The following PRKG1 variants were observed in gnomAD, a reference collection of about 807,000 sequenced individuals.
PRKG1 encodes cGMP-dependent protein kinase 1.
Under a neutral mutation model 88.1 loss-of-function variants are expected in PRKG1, and 35 were observed. The observed-to-expected ratio is 0.40, with a 90% confidence interval of 0.30 to 0.53. PRKG1 has a LOEUF of 0.53. PRKG1 is among the 20% of genes least tolerant of loss of function. The pLI is 0.59. For missense variants in PRKG1, 540 were observed against 839.8 expected (o/e 0.64, Z 4.41); for synonymous variants, 303 against 292.5 (o/e 1.04, Z -0.37).
At chr10:51,352,033 T>A (rs903761639) in intron 2 of PRKG1, among the ~76,000 whole-genome samples, 1 of 152,228 alleles carries the variant, frequency 6.6e-6, no homozygotes, top group Non-Finnish European at 1.5e-5. Flanking sequence ...GTGTCAGGTT[T>A]GTCAAAGATC....
rs1839870618 is a variant in PRKG1, at chr10:51,825,904, A to G, written c.698+21214A>G. Among the ~76,000 whole-genome samples the G allele has an allele frequency of 8.5e-5, 13 of 152,212 alleles. No homozygotes were observed. The South Asian group carries it at 2.7e-3, about 32-fold the overall frequency. On this transcript the variant is annotated intron_variant, in intron 4 of 17. Coordinates refer to ENST00000373980, the MANE Select transcript of PRKG1 (RefSeq NM_006258.4). ...AAGTTCCCAAGTCTGGCCTTTGTCT[A>G]TGATTTCTCAGCAGTTGATGCTGTG... is the stretch of plus-strand genomic sequence containing the variant.
At position 52,251,674 on chromosome 10, in the gene PRKG1, A is replaced by G. The variant is rs202058118; in HGVS notation, c.1173+8A>G. ...TTCGGACGAGTAGAACTGGTAGGTG[A>G]TTGTTCTTTAAATGCTTTTGATCGC... is the stretch of plus-strand genomic sequence containing the variant. On this transcript the variant is annotated splice_region_variant and intron_variant, in intron 10 of 17. Coordinates refer to ENST00000373980, the MANE Select transcript of PRKG1 (RefSeq NM_006258.4). The G allele has an allele frequency of 2.5e-5, 40 of 1,603,122 alleles. No homozygotes were observed. The highest frequency in any genetic ancestry group is 1.2e-4 in the Admixed American group (7 of 59,888).
At position 52,239,296 on chromosome 10, in the gene PRKG1, A is replaced by G. The variant is rs1265143657; in HGVS notation, c.1077-12274A>G. 2.7e-5 allele frequency among the ~76,000 whole-genome samples: 4 copies of G among 147,094 alleles called. No homozygotes were observed. In the South Asian group the frequency reaches 6.6e-4, roughly 24 times the overall value. ...TGTAACTAACCTGCACAATGTGCACATGTACCCTAAAACTTAAAGTATAAT... is the reference window on the plus strand; with the variant it reads ...TGTAACTAACCTGCACAATGTGCACGTGTACCCTAAAACTTAAAGTATAAT... On this transcript the variant is annotated intron_variant, in intron 9 of 17. Coordinates refer to ENST00000373980, the MANE Select transcript of PRKG1 (RefSeq NM_006258.4).
chr10:51,081,347 T>C (rs2339626), intron 1 of PRKG1, among the ~76,000 whole-genome samples: 14,540 of 152,200 alleles, frequency 0.096, 2,241 homozygotes, highest in African/African-American at 0.32. Flanking sequence ...TGTGTGCAAG[T>C]AAATAGGTGA....
At chr10:51,218,512 TATATATATATATATATATAA>T (rs1186216638) in intron 2 of PRKG1, among the ~76,000 whole-genome samples, 16 of 121,280 alleles carry the variant, frequency 1.3e-4, no homozygotes, top group South Asian at 5.2e-4. Flanking sequence ...TATATATATA[TATATATATATATATATATAA>T]AATGTGTGTA....
intron 4 of PRKG1, among the ~76,000 whole-genome samples, chr10:51,853,177 C>T (rs1229461955): frequency 6.6e-6 from 1 of 152,128 alleles, no homozygotes; most frequent in Non-Finnish European, 1.5e-5. Flanking sequence ...AATACATCAC[C>T]TGTGTACCCC....
chr10:52,031,979 G>A (rs1437295552), intron 5 of PRKG1, among the ~76,000 whole-genome samples: 5 of 152,208 alleles, frequency 3.3e-5, no homozygotes, highest in African/African-American at 9.6e-5. Context: ...TGGCTGGAGT[G>A]TAGAGGGAGA....
chr10:52,287,025 A>G (rs1842131752), intron 14 of PRKG1, among the ~76,000 whole-genome samples: 1 of 151,988 alleles, frequency 6.6e-6, no homozygotes. Context: ...TATTAGACTA[A>G]CATGCATCAC....
chr10:52,044,738 C>T (rs1158436861), intron 5 of PRKG1, among the ~76,000 whole-genome samples: 1 of 152,080 alleles, frequency 6.6e-6, no homozygotes, highest in African/African-American at 2.4e-5. Context: ...ATGCTGTTTG[C>T]AGCCCTCTAA....
At chr10:51,535,912 G>A (rs1055015082) in intron 3 of PRKG1, among the ~76,000 whole-genome samples, 1 of 151,770 alleles carries the variant, frequency 6.6e-6, no homozygotes, top group Admixed American at 6.6e-5. Flanking sequence ...TAGTAGAGAG[G>A]GGGTTTCACC....
intron 3 of PRKG1, among the ~76,000 whole-genome samples, chr10:51,584,601 G>C (rs1838125432): frequency 6.6e-6 from 1 of 151,918 alleles, no homozygotes; most frequent in African/African-American, 2.4e-5. Flanking sequence ...TGGAGTGTCT[G>C]GGGGAAAGAA....
chr10:51,162,892 G>T (rs9414836), intron 2 of PRKG1, among the ~76,000 whole-genome samples: 7,202 of 151,824 alleles, frequency 0.047, 573 homozygotes, highest in African/African-American at 0.16. Context: ...TATTTTTTTG[G>T]ATTTTTTGTA....
intron 3 of PRKG1, among the ~76,000 whole-genome samples, chr10:51,669,622 C>T (rs1840507629): frequency 6.6e-6 from 1 of 152,102 alleles, no homozygotes; most frequent in Non-Finnish European, 1.5e-5. Flanking sequence ...TTTTTAATTT[C>T]TTCAGTTAAA....
chr10:51,447,751 G>T (rs1839317746), intron 2 of PRKG1, among the ~76,000 whole-genome samples: 1 of 151,936 alleles, frequency 6.6e-6, no homozygotes, highest in Non-Finnish European at 1.5e-5. Flanking sequence ...CTCTTCTGCA[G>T]GAAGTCATAA....
chr10:51,598,546 C>T lies in PRKG1; in HGVS notation c.592+130710C>T, dbSNP rs538028712. Among the ~76,000 whole-genome samples, 7 of 152,340 alleles carry T rather than the reference C, an allele frequency of 4.6e-5. No individual in the cohort carries two copies. The South Asian group carries it at 1.4e-3, about 32-fold the overall frequency. On this transcript the variant is annotated intron_variant, in intron 3 of 17. Coordinates refer to ENST00000373980, the MANE Select transcript of PRKG1 (RefSeq NM_006258.4). Reference sequence around the variant, plus strand: ...GTGCTGGAATTATAGGCGTCAGCCACCGTGCCTAGCCTGCCCAAGACTTTT... The same window carrying T: ...GTGCTGGAATTATAGGCGTCAGCCATCGTGCCTAGCCTGCCCAAGACTTTT...
At chr10:52,091,020 T>A (rs1409280745) in intron 7 of PRKG1, among the ~76,000 whole-genome samples, 1 of 152,176 alleles carries the variant, frequency 6.6e-6, no homozygotes, top group African/African-American at 2.4e-5. Flanking sequence ...GAAAACAACA[T>A]TCATTTATTG....
intron 1 of PRKG1, among the ~76,000 whole-genome samples, chr10:51,093,502 A>G (rs1261432944): frequency 1.3e-5 from 2 of 151,782 alleles, no homozygotes. Context: ...CTTCCAGGAG[A>G]ACTTTTCTGC....
rs184376515 is a variant in PRKG1, at chr10:52,141,796, A to G, written c.1001+7891A>G. Among the ~76,000 whole-genome samples, 9 of 152,262 alleles carry G rather than the reference A, an allele frequency of 5.9e-5. No homozygotes were observed. In the East Asian group the frequency reaches 1.7e-3, roughly 29 times the overall value. Reference sequence around the variant, plus strand: ...GATAAGTCAGAAAGTCATAGAAGAGATTTAAGAAGGAGAAGTAAAAGGGAA... The same window carrying G: ...GATAAGTCAGAAAGTCATAGAAGAGGTTTAAGAAGGAGAAGTAAAAGGGAA... On this transcript the variant is annotated intron_variant, in intron 8 of 17. Transcript: ENST00000373980.
At chr10:52,263,136 G>C (rs936285906) in intron 10 of PRKG1, among the ~76,000 whole-genome samples, 4 of 151,814 alleles carry the variant, frequency 2.6e-5, no homozygotes, top group Admixed American at 2.6e-4. Flanking sequence ...TTTAAATTTA[G>C]GTTTTTCAAT....
Sources: allele counts gnomAD v4.1 joint callset (sites outside exome capture counted in the v4.1 genomes callset), GRCh38; gene constraint gnomAD v4.1.1; transcripts MANE v1.5; gene names NCBI Gene and HGNC (gene_info 2026-07-23, HGNC 2026-07-21).